Variants in IGF2R observed in about 807,000 individuals in gnomAD.
The protein encoded by IGF2R is insulin like growth factor 2 receptor.
A neutral mutation model predicts 270.6 loss-of-function variants in IGF2R; 91 were observed. That is an observed-to-expected ratio of 0.34 (90% confidence interval 0.28 to 0.40). The LOEUF is 0.40. IGF2R is among the 10% of genes least tolerant of loss of function. The pLI, the probability that IGF2R is intolerant of heterozygous loss-of-function variation, is 1.00. For missense variants in IGF2R, 2,805 were observed against 3,188.3 expected, an observed-to-expected ratio of 0.88 and a Z score of 2.90; for synonymous variants, 1,316 against 1,258.9, an observed-to-expected ratio of 1.05 and a Z score of -0.96.
intron 45 of IGF2R, among the ~76,000 whole-genome samples, chr6:160,098,333 T>C (rs1438309656): frequency 3.9e-5 from 6 of 152,082 alleles, no homozygotes; most frequent in Admixed American, 2.6e-4. Context: ...ACATCAGGAT[T>C]GGGAGCTGTT....
intron 1 of IGF2R, among the ~76,000 whole-genome samples, chr6:159,983,151 T>C (rs1783831176): frequency 6.6e-6 from 1 of 152,216 alleles, no homozygotes; most frequent in South Asian, 2.1e-4. Context: ...CTTTTTGAAC[T>C]CTAGGCAGCT....
rs777047674 is a variant in IGF2R at position 160,084,126 on chromosome 6, G to A, written c.6010G>A (p.Asp2004Asn). 1.2e-6 allele frequency: 2 copies of A among 1,614,126 alleles called. No individual in the cohort carries two copies. Among genetic ancestry groups the A allele is most frequent in the East Asian group, 2.2e-5 (1 of 44,880 alleles). ...CKFVQKHKTY[D>N]LRLLSSLTGS... Reference sequence around the variant, plus strand: ...ATTCGTCCAGAAACACAAAACCTACGACCTGCGGCTGCTCTCCTCTCTCAC... The same window carrying A: ...ATTCGTCCAGAAACACAAAACCTACAACCTGCGGCTGCTCTCCTCTCTCAC... Residue 2004 changes from aspartate to asparagine, a missense_variant, in exon 40 of 48, where the codon GAC becomes AAC. Asp to Asn is a conservative substitution (Grantham distance 23). Transcript: ENST00000356956. This position sits in a 1 kb window ranked among gnomAD's most constrained non-coding sequence, Gnocchi z 4.6.
intron 4 of IGF2R, among the ~76,000 whole-genome samples, chr6:160,016,866 A>T (rs761466545): frequency 6.6e-6 from 1 of 152,234 alleles, no homozygotes; most frequent in Non-Finnish European, 1.5e-5. Flanking sequence ...GGCGGGGGGA[A>T]CCCTCTAGTC....
At chr6:159,996,117 G>T (rs1784049934) in intron 2 of IGF2R, among the ~76,000 whole-genome samples, 1 of 151,948 alleles carries the variant, frequency 6.6e-6, no homozygotes, top group African/African-American at 2.4e-5. Context: ...TGGCCTTTTT[G>T]TGGTAGCTTT....
intron 44 of IGF2R, chr6:160,093,609 A>G (rs539427181): frequency 1.4e-5 from 10 of 703,136 alleles, no homozygotes; most frequent in Middle Eastern, 2.9e-4. Flanking sequence ...TGGATCATCA[A>G]TGCCTTCCTT....
At chr6:160,024,831 T>G (rs1777520458) in intron 5 of IGF2R, 127 bp downstream of exon 5, 16 of 1,067,624 alleles carry the variant, frequency 1.5e-5, no homozygotes, top group Non-Finnish European at 1.9e-5. Context: ...CTAATAAAGC[T>G]TTTGTCCCCA....
intron 19 of IGF2R, among the ~76,000 whole-genome samples, chr6:160,051,817 C>G (rs1778203260): frequency 6.6e-6 from 1 of 151,984 alleles, no homozygotes; most frequent in Admixed American, 6.6e-5. Context: ...AAAAATTTAG[C>G]CAAGTGTGGT....
intron 31 of IGF2R, 71 bp from the exon 32 acceptor site, chr6:160,071,839 G>A (rs1778745395): frequency 1.3e-6 from 2 of 1,578,220 alleles, no homozygotes; most frequent in African/African-American, 1.3e-5. Flanking sequence ...GCTTCCACTT[G>A]TAAGTTGAAA....
At chr6:160,046,876 A>G (rs1778080004) in intron 15 of IGF2R, among the ~76,000 whole-genome samples, 1 of 152,276 alleles carries the variant, frequency 6.6e-6, no homozygotes, top group South Asian at 2.1e-4. Flanking sequence ...ACTATTGCGC[A>G]TTTTGTGCTT....
intron 2 of IGF2R, chr6:160,005,529 G>C (rs1784207225): frequency 6.6e-6 from 1 of 152,230 alleles, no homozygotes; most frequent in Non-Finnish European, 1.5e-5. Flanking sequence ...GCGTGGCCGT[G>C]CGGCTGGGTC....
chr6:160,091,387 A>G (rs1292212627), intron 44 of IGF2R, among the ~76,000 whole-genome samples: 1 of 151,772 alleles, frequency 6.6e-6, no homozygotes, highest in Non-Finnish European at 1.5e-5. Flanking sequence ...CATCGCCGAG[A>G]AGGAGCAGGT....
At chr6:160,036,338 C>T (rs896769406) in intron 10 of IGF2R, among the ~76,000 whole-genome samples, 5 of 152,138 alleles carry the variant, frequency 3.3e-5, no homozygotes, top group Admixed American at 6.5e-5. Flanking sequence ...CCCTGAATCA[C>T]GTCTCTCCTA....
intron 43 of IGF2R, 32 bp from the exon 44 acceptor site, chr6:160,089,884 C>G: frequency 6.8e-7 from 1 of 1,477,512 alleles, no homozygotes; most frequent in Non-Finnish European, 9.1e-7. Context: ...TGAAGGACTT[C>G]CATGTCACTG....
At chr6:159,983,431 G>A (rs1252069539) in intron 1 of IGF2R, among the ~76,000 whole-genome samples, 1 of 152,188 alleles carries the variant, frequency 6.6e-6, no homozygotes, top group Non-Finnish European at 1.5e-5. Flanking sequence ...TGGACTGACT[G>A]CAGTTCTCCA....
At chr6:160,008,493 G>A (rs1174368343) in intron 2 of IGF2R, among the ~76,000 whole-genome samples, 1 of 152,088 alleles carries the variant, frequency 6.6e-6, no homozygotes, top group Non-Finnish European at 1.5e-5. Flanking sequence ...TAATGTCCTG[G>A]ACAAGCAGAG....
chr6:160,083,930 C>CT lies in IGF2R; in HGVS notation c.5834-16dup. The CT allele has an allele frequency of 6.5e-7, 1 of 1,549,170 alleles. No individual in the cohort carries two copies. On this transcript the variant is annotated intron_variant, in intron 39 of 47. Coordinates refer to ENST00000356956, the MANE Select transcript of IGF2R (RefSeq NM_000876.4). ...CACAGTGACAGTCTGATCTCTCTCTCTTTTCCCTACACTCCCCAGCAAACA... is the reference window on the plus strand; with the variant it reads ...CACAGTGACAGTCTGATCTCTCTCTCTTTTTCCCTACACTCCCCAGCAAACA...
intron 2 of IGF2R, among the ~76,000 whole-genome samples, chr6:159,996,013 TGA>T (rs1784048546): frequency 6.6e-6 from 1 of 151,898 alleles, no homozygotes; most frequent in Non-Finnish European, 1.5e-5. Context: ...TTTTTTCCCT[TGA>T]GAATGTGAAT....
rs139477448 is a variant in IGF2R, at chr6:160,045,874, C to T, written c.1895C>T (p.Ser632Phe). The change falls in exon 14 of 48, where the codon TCC (serine) becomes TTC (phenylalanine). Residue 632 changes from serine to phenylalanine, a missense_variant. Physicochemically the swap from Ser to Phe is radical, Grantham distance 155. Transcript: ENST00000356956. ...GGGGAGAACTGCACGGTCTTTGACT[C>T]CCAGGCAGGTCTGTGTCCAAGCAGG... ...TEGENCTVFD[S>F]QAGFSFDLSP... 8 of 1,563,392 alleles carry T rather than the reference C, an allele frequency of 5.1e-6. No individual in the cohort carries two copies. Among genetic ancestry groups the T allele is most frequent in the Admixed American group, 1.9e-5 (1 of 51,712 alleles).
chr6:160,045,928 C>T (rs778143215), intron 14 of IGF2R, 46 bp downstream of exon 14: 14 of 1,464,852 alleles, frequency 9.6e-6, no homozygotes, highest in Non-Finnish European at 1.2e-5. Context: ...CTTGGAACCA[C>T]TTAAGGTTTT....
Sources: allele counts gnomAD v4.1 joint callset (sites outside exome capture counted in the v4.1 genomes callset), GRCh38; gene constraint gnomAD v4.1.1; non-coding constraint Gnocchi (gnomAD v3.1); transcripts MANE v1.5; gene names NCBI Gene and HGNC (gene_info 2026-07-23, HGNC 2026-07-21).